Variants in THSD7B observed in about 807,000 individuals in gnomAD.
THSD7B encodes thrombospondin type 1 domain containing 7B, also known as thrombospondin type-1 domain-containing protein 7B.
In THSD7B, 138 loss-of-function variants were observed where a neutral mutation model predicts 213.6. That is an observed-to-expected ratio of 0.65 (90% CI 0.56 to 0.74). The LOEUF is 0.74. Among genes scored for constraint, THSD7B ranks in the 30% least tolerant of loss-of-function variants. THSD7B has a pLI of 0.00. For missense variants in THSD7B, 1,931 were observed against 1,991.5 expected (o/e 0.97, Z 0.58); for synonymous variants, 742 against 687.0 (o/e 1.08, Z -1.25).
rs562348797 is a variant in THSD7B, at chr2:137,584,840, G to A, written c.3423+12284G>A. 1.4e-3 allele frequency among the ~76,000 whole-genome samples: 219 copies of A among 152,298 alleles called. 1 individual carries two copies. Among genetic ancestry groups the A allele is most frequent in the African/African-American group, 4.8e-3 (201 of 41,556 alleles). ...TGTCAGGCTTTGGTATCAGGATGAT[G>A]CTGGCCTCATAAAATGAGTTAGCGA... On this transcript the variant is annotated intron_variant, in intron 17 of 27. Transcript: ENST00000409968.
chr2:137,459,174 A>G (rs1687830287), intron 15 of THSD7B, among the ~76,000 whole-genome samples: 1 of 152,126 alleles, frequency 6.6e-6, no homozygotes, highest in Non-Finnish European at 1.5e-5. Context: ...AAAAAAATCT[A>G]AAAAAGAAAT....
rs1176054000 is a variant in THSD7B at position 137,393,040 on chromosome 2, C to T, written c.2501-12573C>T. On this transcript the variant is annotated intron_variant, in intron 12 of 27. Transcript: ENST00000409968. ...TTTTGTAGAACCGGTCTGACAGTAA[C>T]GAGTTTCCTCAATATTTGCTTATTT... Among the ~76,000 whole-genome samples the T allele has an allele frequency of 7.9e-5, 12 of 151,756 alleles. No individual in the cohort carries two copies. The East Asian group carries it at 2.1e-3, about 27-fold the overall frequency.
At chr2:137,634,069 T>G (rs1682789480) in intron 20 of THSD7B, among the ~76,000 whole-genome samples, 1 of 152,144 alleles carries the variant, frequency 6.6e-6, no homozygotes, top group African/African-American at 2.4e-5. Flanking sequence ...TGCTGAAGAA[T>G]AAATCCATAG....
chr2:137,261,234 G>A (rs527832860), intron 10 of THSD7B, among the ~76,000 whole-genome samples: 2 of 150,084 alleles, frequency 1.3e-5, no homozygotes, highest in South Asian at 2.2e-4. Flanking sequence ...TGGGAAGAGG[G>A]ATGCTTAGGT....
At chr2:137,192,460 T>A (rs1470651256) in intron 7 of THSD7B, among the ~76,000 whole-genome samples, 1 of 152,144 alleles carries the variant, frequency 6.6e-6, no homozygotes, top group Non-Finnish European at 1.5e-5. Context: ...AGGTGTTATT[T>A]GGAACAAAGC....
chr2:137,444,663 T>A (rs947443502), intron 14 of THSD7B, among the ~76,000 whole-genome samples: 2 of 151,774 alleles, frequency 1.3e-5, no homozygotes, highest in Non-Finnish European at 2.9e-5. Flanking sequence ...ACTATAAAAC[T>A]ACTAAAAGAA....
intron 6 of THSD7B, among the ~76,000 whole-genome samples, chr2:137,166,812 A>G (rs143113088): frequency 1.3e-5 from 2 of 152,278 alleles, no homozygotes; most frequent in Non-Finnish European, 2.9e-5. Context: ...TTTCTCATAG[A>G]TAGGAAATGC....
intron 15 of THSD7B, among the ~76,000 whole-genome samples, chr2:137,534,451 G>A (rs1384067437): frequency 2.0e-5 from 3 of 151,624 alleles, no homozygotes; most frequent in African/African-American, 7.3e-5. Flanking sequence ...TTTTCTCTGA[G>A]GAGACAGCAA....
At chr2:136,960,779 A>C (rs1298064581) in intron 2 of THSD7B, among the ~76,000 whole-genome samples, 1 of 152,062 alleles carries the variant, frequency 6.6e-6, no homozygotes, top group Non-Finnish European at 1.5e-5. Context: ...GGGAAGAAAA[A>C]CAATGACATG....
intron 4 of THSD7B, among the ~76,000 whole-genome samples, chr2:137,105,260 A>G (rs1221715477): frequency 6.6e-6 from 1 of 152,246 alleles, no homozygotes; most frequent in Non-Finnish European, 1.5e-5. Flanking sequence ...AACGTATGCA[A>G]ATCAATAAAC....
intron 18 of THSD7B, among the ~76,000 whole-genome samples, chr2:137,617,976 T>C (rs547513751): frequency 6.6e-6 from 1 of 152,302 alleles, no homozygotes; most frequent in South Asian, 2.1e-4. Flanking sequence ...GATTTAAATA[T>C]ATGAATTTTG....
intron 15 of THSD7B, among the ~76,000 whole-genome samples, chr2:137,557,811 C>A (rs1472930137): frequency 6.6e-6 from 1 of 152,068 alleles, no homozygotes; most frequent in Admixed American, 6.5e-5. Flanking sequence ...AATTGATAGA[C>A]CACTAGCAAG....
At chr2:137,534,011 T>TGC (rs1265975326) in intron 15 of THSD7B, among the ~76,000 whole-genome samples, 7 of 114,080 alleles carry the variant, frequency 6.1e-5, no homozygotes, top group African/African-American at 2.6e-4. Flanking sequence ...TGTGTGTGTG[T>TGC]GTGCGCGCAC....
At chr2:137,022,747 C>T (rs1573772340) in intron 2 of THSD7B, among the ~76,000 whole-genome samples, 1 of 151,938 alleles carries the variant, frequency 6.6e-6, no homozygotes, top group East Asian at 1.9e-4. Flanking sequence ...CAGCAGGGCT[C>T]AGGATGGAGA....
chr2:137,166,362 A>C (rs1680129011), intron 6 of THSD7B, among the ~76,000 whole-genome samples: 1 of 152,230 alleles, frequency 6.6e-6, no homozygotes, highest in South Asian at 2.1e-4. Flanking sequence ...AACTCTACAC[A>C]TAGATGTGAT....
chr2:137,536,923 T>G (rs1680517749), intron 15 of THSD7B, among the ~76,000 whole-genome samples: 1 of 151,768 alleles, frequency 6.6e-6, no homozygotes, highest in Non-Finnish European at 1.5e-5. Flanking sequence ...AATAATGCAT[T>G]TGTTATTTAC....
chr2:137,321,472 T>C (rs1200816242), intron 12 of THSD7B, among the ~76,000 whole-genome samples: 1 of 152,186 alleles, frequency 6.6e-6, no homozygotes, highest in Non-Finnish European at 1.5e-5. Flanking sequence ...TATTCTTATC[T>C]GGTCACCTAT....
chr2:136,984,076 A>C (rs1322487828), intron 2 of THSD7B, among the ~76,000 whole-genome samples: 1 of 152,224 alleles, frequency 6.6e-6, no homozygotes, highest in Non-Finnish European at 1.5e-5. Context: ...AGAGAGCAAG[A>C]AAGAAAATAT....
intron 1 of THSD7B, among the ~76,000 whole-genome samples, chr2:136,778,705 A>T (rs1251287503): frequency 6.6e-6 from 1 of 152,178 alleles, no homozygotes; most frequent in East Asian, 1.9e-4. Flanking sequence ...CTTTTTCCTC[A>T]TTAAAAAAAT....
Sources: allele counts gnomAD v4.1 joint callset (sites outside exome capture counted in the v4.1 genomes callset), GRCh38; gene constraint gnomAD v4.1.1; transcripts MANE v1.5; gene names NCBI Gene and HGNC (gene_info 2026-07-23, HGNC 2026-07-21).